PRRX1: variants seen among roughly 807,000 people sequenced by gnomAD.
The protein encoded by PRRX1 is paired mesoderm homeobox protein 1.
Under a neutral mutation model 24.0 loss-of-function variants are expected in PRRX1, and 8 were observed. That is an observed-to-expected ratio of 0.33 (90% confidence interval 0.20 to 0.60). The LOEUF is 0.60. Among genes scored for constraint, PRRX1 ranks in the 20% least tolerant of loss-of-function variants. The probability of loss-of-function intolerance (pLI) is 0.82; values close to 1 mark genes in which losing one functional copy is unlikely to be tolerated. For missense variants in PRRX1, 281 were observed against 322.4 expected (o/e 0.87, Z 0.98); for synonymous variants, 160 against 131.7 (o/e 1.22, Z -1.47).
chr1:170,702,263 G>A (rs1438315804), intron 1 of PRRX1, among the ~76,000 whole-genome samples: 1 of 152,074 alleles, frequency 6.6e-6, no homozygotes, highest in Admixed American at 6.6e-5. Flanking sequence ...GACTGTTACC[G>A]GTCCATGGCT....
chr1:170,699,081 C>T (rs1234443988), intron 1 of PRRX1, among the ~76,000 whole-genome samples: 4 of 152,136 alleles, frequency 2.6e-5, no homozygotes, highest in Admixed American at 6.5e-5. Flanking sequence ...TAACTGATGC[C>T]AGTTGCAAAT....
chr1:170,701,496 T>C (rs1654357699), intron 1 of PRRX1, among the ~76,000 whole-genome samples: 1 of 152,244 alleles, frequency 6.6e-6, no homozygotes, highest in Admixed American at 6.5e-5. Context: ...CTTGTGGGCA[T>C]CTGATCATTC....
intron 1 of PRRX1, among the ~76,000 whole-genome samples, chr1:170,710,174 AC>A (rs1477281691): frequency 3.3e-5 from 5 of 152,198 alleles, no homozygotes; most frequent in African/African-American, 4.8e-5. Context: ...ATCCAGCCTA[AC>A]TTTTTCTCAA....
intron 3 of PRRX1, among the ~76,000 whole-genome samples, chr1:170,734,843 G>A (rs1198549141): frequency 6.6e-6 from 1 of 152,132 alleles, no homozygotes; most frequent in Non-Finnish European, 1.5e-5. Flanking sequence ...TGACTCCGTG[G>A]TGTCCCAAAT....
chr1:170,700,505 T>A (rs1356232527), intron 1 of PRRX1, among the ~76,000 whole-genome samples: 1 of 152,136 alleles, frequency 6.6e-6, no homozygotes, highest in Non-Finnish European at 1.5e-5. Flanking sequence ...CCAGGAGAAT[T>A]GAAAACAGAC....
chr1:170,689,263 A>G (rs1653848248), intron 1 of PRRX1, among the ~76,000 whole-genome samples: 1 of 152,140 alleles, frequency 6.6e-6, no homozygotes, highest in South Asian at 2.1e-4. Context: ...TAATTTAGTG[A>G]GACTCTTTCT....
At chr1:170,735,938 A>T in intron 3 of PRRX1, 110 bp from the exon 4 acceptor site, 3 of 1,468,620 alleles carry the variant, frequency 2.0e-6, no homozygotes, top group Admixed American at 1.7e-5. Flanking sequence ...AGTCCAAGCC[A>T]TTGCCCCTGC....
At chr1:170,686,534 CA>C (rs1653749195) in intron 1 of PRRX1, among the ~76,000 whole-genome samples, 1 of 152,144 alleles carries the variant, frequency 6.6e-6, no homozygotes, top group African/African-American at 2.4e-5. Context: ...GACACTGATT[CA>C]AATTCTAGCC....
At chr1:170,674,712 T>TC (rs796176715) in intron 1 of PRRX1, among the ~76,000 whole-genome samples, 57 of 152,262 alleles carry the variant, frequency 3.7e-4, no homozygotes, top group African/African-American at 1.3e-3. Context: ...TCCTTTTTTT[T>TC]CTCCCCTCCT....
intron 1 of PRRX1, among the ~76,000 whole-genome samples, chr1:170,664,741 C>G (rs1244914206): frequency 5.3e-5 from 8 of 152,260 alleles, no homozygotes; most frequent in Non-Finnish European, 2.9e-5. Flanking sequence ...GCGGCGGACT[C>G]TCTTTACTTC....
At chr1:170,687,188 G>A (rs1222654978) in intron 1 of PRRX1, among the ~76,000 whole-genome samples, 2 of 151,422 alleles carry the variant, frequency 1.3e-5, no homozygotes, top group African/African-American at 2.4e-5. Context: ...AAATAAACAC[G>A]AAACAGGCAA....
intron 1 of PRRX1, among the ~76,000 whole-genome samples, chr1:170,700,047 A>G (rs1258010203): frequency 6.6e-6 from 1 of 152,218 alleles, no homozygotes; most frequent in South Asian, 2.1e-4. Flanking sequence ...AAGGGTTTTC[A>G]TATATATGCT....
intron 1 of PRRX1, among the ~76,000 whole-genome samples, chr1:170,671,454 A>T (rs992879652): frequency 5.9e-5 from 9 of 152,346 alleles, no homozygotes; most frequent in African/African-American, 2.2e-4. Context: ...TAGCGACGCC[A>T]GGCGCTGCTT....
chr1:170,676,495 A>G (rs1195211156), intron 1 of PRRX1, among the ~76,000 whole-genome samples: 1 of 152,120 alleles, frequency 6.6e-6, no homozygotes, highest in African/African-American at 2.4e-5. Flanking sequence ...CTGAATTAAT[A>G]TACTCAGACT....
In PRRX1 at chr1:170,719,880, C is replaced by T. The variant is rs769070873; in HGVS notation, c.396C>T (p.Asn132=). 4.6e-5 allele frequency: 74 copies of T among 1,613,976 alleles called. No individual in the cohort carries two copies. The highest frequency in any genetic ancestry group is 6.3e-5 in the Non-Finnish European group (74 of 1,180,004). ...GAGAAGACCTTGCCCGCCGGGTGAA[C>T]CTCACCGAGGCGAGAGTGCAGGTAA... ...FVREDLARRV[N]LTEARVQVWF... Residue 132 remains asparagine (N), a synonymous_variant, in exon 2 of 4, where the codon AAC becomes AAT. Transcript: ENST00000239461.
chr1:170,719,659 T>TA, intron 1 of PRRX1, 67 bp from the exon 2 acceptor site: 3 of 1,521,800 alleles, frequency 2.0e-6, no homozygotes, highest in South Asian at 1.1e-5. Flanking sequence ...AGATATACCA[T>TA]AAAAAAGTCT....
At chr1:170,716,427 A>G (rs1571341923) in intron 1 of PRRX1, among the ~76,000 whole-genome samples, 2 of 152,106 alleles carry the variant, frequency 1.3e-5, no homozygotes, top group African/African-American at 4.8e-5. Context: ...TACTAAAAAT[A>G]CAAAAAATTA....
intron 1 of PRRX1, among the ~76,000 whole-genome samples, chr1:170,717,084 A>AGACT (rs1359905622): frequency 1.3e-5 from 2 of 152,228 alleles, no homozygotes; most frequent in Admixed American, 6.5e-5. Context: ...TGCCAGAGCC[A>AGACT]GACTCCCTGG....
chr1:170,705,935 T>TACAAACACACACAC (rs1654546882), intron 1 of PRRX1, among the ~76,000 whole-genome samples: 1 of 146,426 alleles, frequency 6.8e-6, no homozygotes, highest in African/African-American at 2.5e-5. Flanking sequence ...CACACACACA[T>TACAAACACACACAC]ACACACACAC....
Sources: gnomAD v4.1 joint callset for allele counts (sites outside exome capture counted in the v4.1 genomes callset) on GRCh38, gnomAD v4.1.1 for gene constraint, MANE v1.5 for transcripts, NCBI Gene and HGNC (gene_info 2026-07-23, HGNC 2026-07-21) for gene names.